PPM1L: variants seen among roughly 807,000 people sequenced by gnomAD.
The protein encoded by PPM1L is protein phosphatase 1L.
PPM1L carries 13 observed loss-of-function variants against 31.4 expected under a neutral mutation model. The observed-to-expected ratio is 0.41, with a 90% CI of 0.27 to 0.66. The LOEUF is 0.66. Among genes scored for constraint, PPM1L ranks in the 30% least tolerant of loss-of-function variants. The pLI, the probability that PPM1L is intolerant of heterozygous loss-of-function variation, is 0.29. For missense variants in PPM1L, 326 were observed against 453.7 expected (o/e 0.72, Z 2.56); for synonymous variants, 184 against 175.4 (o/e 1.05, Z -0.39).
At chr3:160,818,011 A>T (rs1713048196) in intron 1 of PPM1L, among the ~76,000 whole-genome samples, 1 of 152,042 alleles carries the variant, frequency 6.6e-6, no homozygotes, top group South Asian at 2.1e-4. Context: ...GAATAATCAC[A>T]GTTAACAGAT....
At chr3:161,060,456 G>A (rs775282971) in intron 2 of PPM1L, among the ~76,000 whole-genome samples, 4 of 152,148 alleles carry the variant, frequency 2.6e-5, no homozygotes, top group Non-Finnish European at 4.4e-5. Flanking sequence ...ATAGCCCGGG[G>A]GCTAAAATGA....
intron 1 of PPM1L, among the ~76,000 whole-genome samples, chr3:160,862,108 A>G (rs1229182433): frequency 6.6e-6 from 1 of 152,168 alleles, no homozygotes; most frequent in Admixed American, 6.6e-5. Flanking sequence ...GGGGGCCATG[A>G]TTCTGCCTAC....
intron 1 of PPM1L, among the ~76,000 whole-genome samples, chr3:160,842,920 A>AT (rs959448847): frequency 3.3e-5 from 5 of 152,022 alleles, no homozygotes; most frequent in African/African-American, 1.2e-4. Flanking sequence ...ATGTATATGT[A>AT]TTTTTTTCTC....
intron 2 of PPM1L, among the ~76,000 whole-genome samples, chr3:160,970,796 T>C (rs1011927579): frequency 2.2e-5 from 3 of 135,892 alleles, no homozygotes; most frequent in Non-Finnish European, 3.2e-5. Flanking sequence ...AATTTTTTTT[T>C]TTTTTTTTTT....
intron 2 of PPM1L, among the ~76,000 whole-genome samples, chr3:160,973,779 T>TTG (rs1553751150): frequency 8.3e-5 from 4 of 48,356 alleles, no homozygotes; most frequent in African/African-American, 4.0e-4. Context: ...TTTTTTTTTT[T>TTG]TTTTTTTTTT....
intron 1 of PPM1L, among the ~76,000 whole-genome samples, chr3:160,896,221 G>C (rs1165089645): frequency 1.3e-5 from 2 of 151,886 alleles, no homozygotes; most frequent in Non-Finnish European, 1.5e-5. Flanking sequence ...AATAGTGTAT[G>C]GGAAAAAAAT....
chr3:160,882,361 G>A (rs990265134), intron 1 of PPM1L: 1 of 152,174 alleles, frequency 6.6e-6, no homozygotes, highest in East Asian at 1.9e-4. Flanking sequence ...AGGAATAAAT[G>A]AAGGAACATG....
chr3:160,776,449 T>G (rs1576632229), intron 1 of PPM1L, among the ~76,000 whole-genome samples: 3 of 152,302 alleles, frequency 2.0e-5, no homozygotes, highest in South Asian at 4.1e-4. Context: ...CTTGGCAGTG[T>G]TGAATCTAAA....
chr3:161,032,634 G>C (rs968641699), intron 2 of PPM1L, among the ~76,000 whole-genome samples: 19 of 151,910 alleles, frequency 1.3e-4, no homozygotes, highest in African/African-American at 4.4e-4. Flanking sequence ...GATTTTGAAG[G>C]CTTGGAGCAT....
chr3:160,917,696 G>T lies in PPM1L; in HGVS notation c.400-44040G>T, dbSNP rs147628702. 6.3e-4 allele frequency among the ~76,000 whole-genome samples: 96 copies of T among 152,146 alleles called. 1 individual carries two copies. The highest frequency in any genetic ancestry group is 2.2e-3 in the African/African-American group (90 of 41,502). On this transcript the variant is annotated intron_variant, in intron 1 of 3. Transcript: ENST00000498165. Reference sequence around the variant, plus strand: ...CCTATATGCAAAAACACTGATAGCAGATTAGAGAAGGAGAGAATCATATTT... The same window carrying T: ...CCTATATGCAAAAACACTGATAGCATATTAGAGAAGGAGAGAATCATATTT...
intron 1 of PPM1L, among the ~76,000 whole-genome samples, chr3:160,910,986 T>TAGATTTGGATTTA (rs1211558302): frequency 6.6e-6 from 1 of 152,208 alleles, no homozygotes; most frequent in African/African-American, 2.4e-5. Flanking sequence ...GGTACTTTTG[T>TAGATTTGGATTTA]ACCTCATTTG....
rs9864145 is a variant in PPM1L at position 161,073,799 on chromosome 3, A to G, written c.*4642A>G. On this transcript the variant is annotated 3_prime_UTR_variant, in exon 4 of 4. Coordinates refer to ENST00000498165, the MANE Select transcript of PPM1L (RefSeq NM_139245.4). ...GATGGTCTTGATATCCTGACCTTGT[A>G]ATCCACCAGCCTTGGCCTCCCAAAG... is the stretch of plus-strand genomic sequence containing the variant. 0.24 allele frequency: 37,208 copies of G among 152,028 alleles called. 5,011 individuals carry two copies. The highest frequency in any genetic ancestry group is 0.35 in the African/African-American group (14,505 of 41,406). 9.4% of individuals were successfully genotyped at this position (152,028 alleles called of 1,614,324 possible).
chr3:160,803,908 A>G (rs971172972), intron 1 of PPM1L, among the ~76,000 whole-genome samples: 1 of 151,962 alleles, frequency 6.6e-6, no homozygotes, highest in Non-Finnish European at 1.5e-5. Flanking sequence ...TATTAAATGT[A>G]ATTTATTTAT....
chr3:160,869,050 C>T (rs190555702), intron 1 of PPM1L, among the ~76,000 whole-genome samples: 1 of 152,232 alleles, frequency 6.6e-6, no homozygotes, highest in Non-Finnish European at 1.5e-5. Context: ...ACCAGGAATG[C>T]GGGCTTTACT....
chr3:160,936,141 G>A (rs760942126), intron 1 of PPM1L, among the ~76,000 whole-genome samples: 1 of 152,130 alleles, frequency 6.6e-6, no homozygotes, highest in Non-Finnish European at 1.5e-5. Flanking sequence ...CCAGGCTGGA[G>A]TGCAGTGGCA....
chr3:160,793,254 G>A (rs751037797), intron 1 of PPM1L, among the ~76,000 whole-genome samples: 6 of 152,170 alleles, frequency 3.9e-5, no homozygotes, highest in Non-Finnish European at 7.3e-5. Context: ...GGTAGAAAGA[G>A]AAATGATTTA....
chr3:160,903,651 T>C (rs1413131133), intron 1 of PPM1L, among the ~76,000 whole-genome samples: 1 of 152,082 alleles, frequency 6.6e-6, no homozygotes, highest in Non-Finnish European at 1.5e-5. Flanking sequence ...TCAATTATTA[T>C]TATTTTATTC....
At chr3:161,000,727 A>G (rs1453125946) in intron 2 of PPM1L, among the ~76,000 whole-genome samples, 1 of 152,236 alleles carries the variant, frequency 6.6e-6, no homozygotes, top group African/African-American at 2.4e-5. Flanking sequence ...TACTCGAGAA[A>G]TTTACCAATT....
At chr3:161,049,801 T>C (rs1719212510) in intron 2 of PPM1L, among the ~76,000 whole-genome samples, 1 of 152,170 alleles carries the variant, frequency 6.6e-6, no homozygotes, top group Admixed American at 6.6e-5. Flanking sequence ...CTGTAACTCC[T>C]CCTCCTCACC....
Sources: gnomAD v4.1 joint callset for allele counts (sites outside exome capture counted in the v4.1 genomes callset) on GRCh38, gnomAD v4.1.1 for gene constraint, MANE v1.5 for transcripts, NCBI Gene and HGNC (gene_info 2026-07-23, HGNC 2026-07-21) for gene names.